Variants in SH3RF3 observed in about 807,000 individuals in gnomAD.
SH3RF3 encodes the protein E3 ubiquitin-protein ligase SH3RF3.
Under a neutral mutation model 66.3 loss-of-function variants are expected in SH3RF3, and 29 were observed. The observed-to-expected ratio is 0.44, with a 90% CI of 0.33 to 0.60. The LOEUF (loss-of-function observed/expected upper bound fraction) is 0.60. Ranked by LOEUF, SH3RF3 falls within the 20% of genes least tolerant of loss-of-function variation. The probability of loss-of-function intolerance (pLI) is 0.04; values close to 1 mark genes in which losing one functional copy is unlikely to be tolerated. For missense variants in SH3RF3, 1,194 were observed against 1,190.9 expected, an observed-to-expected ratio of 1.00 and a Z score of -0.04; for synonymous variants, 583 against 532.0, an observed-to-expected ratio of 1.10 and a Z score of -1.32.
intron 7 of SH3RF3, among the ~76,000 whole-genome samples, chr2:109,446,345 C>T (rs967680913): frequency 1.1e-4 from 17 of 152,290 alleles, no homozygotes; most frequent in African/African-American, 4.1e-4. Flanking sequence ...GGGACCATTG[C>T]GGGCGTTATC....
At chr2:109,162,246 A>G (rs1051162131) in intron 1 of SH3RF3, among the ~76,000 whole-genome samples, 1 of 152,182 alleles carries the variant, frequency 6.6e-6, no homozygotes, top group African/African-American at 2.4e-5. Context: ...ACTGAAGACA[A>G]GTGGTGGTGG....
intron 1 of SH3RF3, among the ~76,000 whole-genome samples, chr2:109,277,173 T>G (rs1482566097): frequency 6.6e-6 from 1 of 152,090 alleles, no homozygotes; most frequent in Non-Finnish European, 1.5e-5. Flanking sequence ...CATTACGTAG[T>G]TAGAAACAGT....
chr2:109,158,937 G>A (rs968700599), intron 1 of SH3RF3, among the ~76,000 whole-genome samples: 5 of 152,158 alleles, frequency 3.3e-5, no homozygotes, highest in African/African-American at 1.2e-4. Context: ...CAAACATGGT[G>A]AAACCCTGTT....
Position 109,347,993 on chromosome 2 carries a change from C to T in SH3RF3, c.849+44C>T, listed in dbSNP as rs747094789. The T allele has an allele frequency of 3.1e-5, 48 of 1,554,784 alleles. 1 individual carries two copies. Among genetic ancestry groups the T allele is most frequent in the Non-Finnish European group, 2.2e-5 (25 of 1,149,654 alleles). On this transcript the variant is annotated intron_variant, in intron 2 of 9. Coordinates refer to ENST00000309415, the MANE Select transcript of SH3RF3 (RefSeq NM_001099289.3). Reference sequence around the variant, plus strand: ...TGGGCCCCGCCAGCCCATGCAGCCTCTGTGCCACCCAGGGCTCTTCCCAGC... The same window carrying T: ...TGGGCCCCGCCAGCCCATGCAGCCTTTGTGCCACCCAGGGCTCTTCCCAGC...
At chr2:109,168,608 G>T (rs558628099) in intron 1 of SH3RF3, among the ~76,000 whole-genome samples, 1 of 152,194 alleles carries the variant, frequency 6.6e-6, no homozygotes, top group Non-Finnish European at 1.5e-5. Context: ...TGATCTGGCC[G>T]TAGGTGGTAA....
chr2:109,367,444 G>T (rs1248563335), intron 2 of SH3RF3, among the ~76,000 whole-genome samples: 2 of 151,940 alleles, frequency 1.3e-5, no homozygotes, highest in Non-Finnish European at 2.9e-5. Context: ...CTCATGCCTG[G>T]CTAGTTGTTG....
intron 1 of SH3RF3, among the ~76,000 whole-genome samples, chr2:109,297,910 GC>G: frequency 6.6e-6 from 1 of 152,086 alleles, no homozygotes; most frequent in East Asian, 1.9e-4. Flanking sequence ...CCATGTCAAT[GC>G]TCCCCACCCA....
chr2:109,373,120 T>G (rs1233442984), intron 3 of SH3RF3, among the ~76,000 whole-genome samples: 1 of 152,084 alleles, frequency 6.6e-6, no homozygotes, highest in East Asian at 1.9e-4. Flanking sequence ...GGCAGATAAT[T>G]CACACACACA....
intron 2 of SH3RF3, among the ~76,000 whole-genome samples, chr2:109,358,900 GAGTTTTGT>G (rs1249192221): frequency 1.3e-5 from 2 of 152,124 alleles, no homozygotes; most frequent in Non-Finnish European, 2.9e-5. Context: ...TATCTTCTAG[GAGTTTTGT>G]AGTTTTATAT....
At chr2:109,389,880 C>T (rs1203612671) in intron 3 of SH3RF3, among the ~76,000 whole-genome samples, 1 of 152,260 alleles carries the variant, frequency 6.6e-6, no homozygotes, top group Admixed American at 6.5e-5. Flanking sequence ...GTGGCTGGGC[C>T]GGCCCTGGGA....
At chr2:109,404,622 G>T (rs550832079) in intron 4 of SH3RF3, among the ~76,000 whole-genome samples, 32 of 152,282 alleles carry the variant, frequency 2.1e-4, no homozygotes, top group African/African-American at 7.5e-4. Context: ...GCCTGGGCAG[G>T]TGGGGTGTGG....
chr2:109,348,064 G>T, intron 2 of SH3RF3, 115 bp downstream of exon 2: 4 of 1,381,336 alleles, frequency 2.9e-6, no homozygotes, highest in Non-Finnish European at 3.9e-6. Context: ...CTGAATCCTG[G>T]CTCCTCCCGG....
chr2:109,344,915 A>C (rs1389021688), intron 1 of SH3RF3, among the ~76,000 whole-genome samples: 1 of 152,112 alleles, frequency 6.6e-6, no homozygotes, highest in Non-Finnish European at 1.5e-5. Context: ...ATCAGAGGGG[A>C]CATCACAGGC....
At chr2:109,450,416 G>A (rs549747300) in intron 8 of SH3RF3, among the ~76,000 whole-genome samples, 3 of 151,960 alleles carry the variant, frequency 2.0e-5, no homozygotes, top group African/African-American at 4.8e-5. Context: ...CCTGCTAGAC[G>A]TTAGATTAAC....
At chr2:109,453,825 C>T (rs1414731576) in intron 8 of SH3RF3, among the ~76,000 whole-genome samples, 1 of 152,182 alleles carries the variant, frequency 6.6e-6, no homozygotes, top group African/African-American at 2.4e-5. Flanking sequence ...GCCTGGTCAG[C>T]CCAGGTCAGG....
At chr2:109,496,737 C>T (rs1194696906) in intron 9 of SH3RF3, among the ~76,000 whole-genome samples, 1 of 152,038 alleles carries the variant, frequency 6.6e-6, no homozygotes, top group Non-Finnish European at 1.5e-5. Flanking sequence ...ATGTCTATGC[C>T]CTAAACCCTA....
chr2:109,186,055 C>T (rs868590984), intron 1 of SH3RF3, among the ~76,000 whole-genome samples: 3 of 152,182 alleles, frequency 2.0e-5, no homozygotes, highest in African/African-American at 4.8e-5. Context: ...TGTATTTAAC[C>T]CAGTGTCTTG....
chr2:109,403,140 C>T lies in SH3RF3; in HGVS notation c.1299+4197C>T, dbSNP rs114788201. Among the ~76,000 whole-genome samples, 616 of 152,290 alleles carry T rather than the reference C, an allele frequency of 4.0e-3. 1 individual carries two copies. The highest frequency in any genetic ancestry group is 0.014 in the African/African-American group (585 of 41,554). On this transcript the variant is annotated intron_variant, in intron 4 of 9. Transcript: ENST00000309415. ...TGCGTCTGTGGTTTCTATAGAAATG[C>T]GTCTGAGGCACAGGGGACACTTCCC...
intron 1 of SH3RF3, among the ~76,000 whole-genome samples, chr2:109,261,079 A>T (rs1326874427): frequency 1.3e-5 from 2 of 152,132 alleles, no homozygotes; most frequent in East Asian, 3.9e-4. Flanking sequence ...AGTGTCTTAC[A>T]CGGGTCCATT....
Sources: allele counts gnomAD v4.1 joint callset (sites outside exome capture counted in the v4.1 genomes callset), GRCh38; gene constraint gnomAD v4.1.1; transcripts MANE v1.5; gene names NCBI Gene and HGNC (gene_info 2026-07-23, HGNC 2026-07-21).